CNST: variants seen among roughly 807,000 people sequenced by gnomAD.
CNST encodes the protein consortin, connexin sorting protein.
In CNST, 39 loss-of-function variants were observed where a neutral mutation model predicts 72.4. That is an observed-to-expected ratio of 0.54 (90% CI 0.42 to 0.70). The LOEUF is 0.70. Ranked by LOEUF, CNST falls within the 30% of genes least tolerant of loss-of-function variation. The probability of loss-of-function intolerance (pLI) is 0.00; values close to 1 mark genes in which losing one functional copy is unlikely to be tolerated. For synonymous variants in CNST, 332 were observed against 320.1 expected (o/e 1.04, Z -0.40); for missense variants, 871 against 868.5 (o/e 1.00, Z -0.04).
chr1:246,639,747 T>C (rs906612842), intron 6 of CNST, among the ~76,000 whole-genome samples: 1 of 151,996 alleles, frequency 6.6e-6, no homozygotes, highest in African/African-American at 2.4e-5. Flanking sequence ...ATCCCAAGAG[T>C]GCACCAACCA....
intron 3 of CNST, among the ~76,000 whole-genome samples, chr1:246,625,514 C>T (rs951974461): frequency 6.8e-6 from 1 of 146,358 alleles, no homozygotes; most frequent in Non-Finnish European, 1.5e-5. Context: ...CTCCACCTCC[C>T]GGGTTCAAGC....
At chr1:246,632,917 C>T (rs1314367759) in intron 4 of CNST, among the ~76,000 whole-genome samples, 1 of 152,160 alleles carries the variant, frequency 6.6e-6, no homozygotes, top group Non-Finnish European at 1.5e-5. Flanking sequence ...GAAACAGAAA[C>T]ACTTGACCAG....
At chr1:246,599,582 C>T (rs992534030) in intron 2 of CNST, among the ~76,000 whole-genome samples, 19 of 152,172 alleles carry the variant, frequency 1.2e-4, no homozygotes, top group Admixed American at 9.2e-4. Context: ...ACACTGGGTC[C>T]ACCCATATAT....
chr1:246,589,439 T>C (rs1661401745), intron 1 of CNST, among the ~76,000 whole-genome samples: 1 of 152,016 alleles, frequency 6.6e-6, no homozygotes, highest in African/African-American at 2.4e-5. Flanking sequence ...ACAAAGGACA[T>C]GAACTCATCA....
At chr1:246,605,509 C>T (rs904298349) in intron 2 of CNST, among the ~76,000 whole-genome samples, 3 of 152,186 alleles carry the variant, frequency 2.0e-5, no homozygotes, top group Admixed American at 1.3e-4. Flanking sequence ...TGGGTGCAGA[C>T]GGGCTGAGGC....
At chr1:246,618,144 C>T (rs930287190) in intron 2 of CNST, among the ~76,000 whole-genome samples, 1 of 152,200 alleles carries the variant, frequency 6.6e-6, no homozygotes, top group Non-Finnish European at 1.5e-5. Flanking sequence ...AATAGTTGCT[C>T]AAGCTTCTTC....
intron 2 of CNST, among the ~76,000 whole-genome samples, chr1:246,608,504 A>G (rs1663077691): frequency 6.6e-6 from 1 of 152,378 alleles, no homozygotes; most frequent in African/African-American, 2.4e-5. Flanking sequence ...GCTTATTGAC[A>G]TGTTCTACAT....
intron 6 of CNST, among the ~76,000 whole-genome samples, chr1:246,637,314 G>C (rs896005078): frequency 6.6e-6 from 1 of 152,192 alleles, no homozygotes; most frequent in Admixed American, 6.5e-5. Flanking sequence ...GTGAGGATCA[G>C]GTTGGCCAAT....
chr1:246,626,923 G>T (rs1664478775), intron 3 of CNST, among the ~76,000 whole-genome samples: 1 of 152,096 alleles, frequency 6.6e-6, no homozygotes, highest in Admixed American at 6.5e-5. Context: ...CCCTCTAGTT[G>T]CTGAGACCAA....
chr1:246,634,412 G>GTT (rs11396823), intron 5 of CNST, 61 bp from the exon 6 acceptor site: 65 of 988,122 alleles, frequency 6.6e-5, no homozygotes, highest in South Asian at 2.6e-4. Context: ...CTGTTTGTTT[G>GTT]TTTTTTTGCT....
chr1:246,647,219 C>G lies in CNST; in HGVS notation c.1018C>G (p.His340Asp), dbSNP rs1231147718. Residue 340 changes from histidine to aspartate, a missense_variant, in exon 9 of 11, where the codon CAT (histidine) becomes GAT (aspartate). His to Asp is a moderately conservative substitution (Grantham distance 81, BLOSUM62 -1). Transcript: ENST00000366513. Reference sequence around the variant, plus strand: ...GCCCCTGGGGAGCAGTCCCTGCTGTCATCAGATGGACGTGCAAACAGATTC... The same window carrying G: ...GCCCCTGGGGAGCAGTCCCTGCTGTGATCAGATGGACGTGCAAACAGATTC... ...VEPLGSSPCC[H>D]QMDVQTDSPS... The G allele has an allele frequency of 6.2e-7, 1 of 1,614,168 alleles. No homozygotes were observed. Among genetic ancestry groups the G allele is most frequent in the East Asian group, 2.2e-5 (1 of 44,884 alleles).
At chr1:246,664,575 T>C (rs371842472) in intron 10 of CNST, among the ~76,000 whole-genome samples, 145 of 152,266 alleles carry the variant, frequency 9.5e-4, no homozygotes, top group Non-Finnish European at 1.7e-3. Flanking sequence ...TATAGGCACC[T>C]GCCACCACGC....
chr1:246,639,615 G>A (rs1665546328), intron 6 of CNST, among the ~76,000 whole-genome samples: 1 of 152,102 alleles, frequency 6.6e-6, no homozygotes, highest in Non-Finnish European at 1.5e-5. Flanking sequence ...TTTGAGAGGG[G>A]CTACACAGGA....
chr1:246,605,679 G>A (rs1662696073), intron 2 of CNST, among the ~76,000 whole-genome samples: 1 of 144,876 alleles, frequency 6.9e-6, no homozygotes, highest in Admixed American at 6.9e-5. Flanking sequence ...CGTGTCTTCC[G>A]GCCGGGGTAG....
intron 8 of CNST, 95 bp downstream of exon 8, chr1:246,642,132 GGTTTTTTT>G (rs1665750422): frequency 7.1e-5 from 14 of 198,354 alleles, no homozygotes; most frequent in South Asian, 1.9e-4. Flanking sequence ...CAAAGGATCT[GGTTTTTTT>G]TTTTTTTTTT....
intron 1 of CNST, among the ~76,000 whole-genome samples, chr1:246,574,288 G>T (rs951073018): frequency 6.6e-6 from 1 of 152,184 alleles, no homozygotes; most frequent in Middle Eastern, 3.2e-3. Flanking sequence ...TGATCCGCCC[G>T]CCTCGGCCTC....
chr1:246,643,468 A>C (rs1665851374), intron 8 of CNST, among the ~76,000 whole-genome samples: 1 of 152,126 alleles, frequency 6.6e-6, no homozygotes, highest in African/African-American at 2.4e-5. Context: ...TGTGCATTTG[A>C]GTTTGAGACT....
intron 9 of CNST, among the ~76,000 whole-genome samples, chr1:246,657,051 A>T (rs1417950927): frequency 1.3e-5 from 2 of 152,144 alleles, no homozygotes; most frequent in Non-Finnish European, 2.9e-5. Flanking sequence ...GAGACCCCAA[A>T]CCGAGACCAT....
intron 9 of CNST, among the ~76,000 whole-genome samples, chr1:246,648,636 A>G (rs1024444174): frequency 2.6e-5 from 4 of 152,246 alleles, no homozygotes; most frequent in African/African-American, 9.6e-5. Flanking sequence ...TATCCAAACT[A>G]CAGCACACTC....
Sources: allele counts gnomAD v4.1 joint callset (sites outside exome capture counted in the v4.1 genomes callset), GRCh38; gene constraint gnomAD v4.1.1; transcripts MANE v1.5; gene names NCBI Gene and HGNC (gene_info 2026-07-23, HGNC 2026-07-21).